Variants in STK24 observed in about 807,000 individuals in gnomAD.
STK24 encodes serine/threonine-protein kinase 24.
Under a neutral mutation model 55.6 loss-of-function variants are expected in STK24, and 21 were observed. The ratio of observed to expected loss-of-function variants is 0.38; its 90% CI spans 0.27 to 0.54. The LOEUF is 0.54. Ranked by LOEUF, STK24 falls within the 20% of genes least tolerant of loss-of-function variation. STK24 has a pLI of 0.79. For synonymous variants in STK24, 200 were observed against 215.2 expected, an observed-to-expected ratio of 0.93 and a Z score of 0.62; for missense variants, 383 against 538.4, an observed-to-expected ratio of 0.71 and a Z score of 2.86.
chr13:98,476,231 A>AGACGG, intron 3 of STK24, among the ~76,000 whole-genome samples: 2 of 139,304 alleles, frequency 1.4e-5, no homozygotes, highest in Non-Finnish European at 3.1e-5. Context: ...ACTTCAAACC[A>AGACGG]GACGGGAAGC....
In STK24 at chr13:98,472,347, A is replaced by C. The variant is rs74692085; in HGVS notation, c.597+2474T>G. ...ATTTCCAGTTCAGAGTTGGAACTGG[A>C]ACTCTGAAGGGAGGACTTGCCCTTC... On this transcript the variant is annotated intron_variant, in intron 5 of 10. Transcript: ENST00000539966. 9.0e-3 allele frequency among the ~76,000 whole-genome samples: 1,378 copies of C among 152,288 alleles called. 18 individuals carry two copies. The highest frequency in any genetic ancestry group is 0.03 in the African/African-American group (1,257 of 41,554).
intron 1 of STK24, among the ~76,000 whole-genome samples, chr13:98,547,466 T>C (rs1441576413): frequency 6.6e-6 from 1 of 152,186 alleles, no homozygotes; most frequent in Non-Finnish European, 1.5e-5. Flanking sequence ...GAGGACTGCT[T>C]GAGCCCACCA....
intron 2 of STK24, among the ~76,000 whole-genome samples, chr13:98,483,263 G>A (rs545616340): frequency 2.8e-4 from 43 of 152,282 alleles, no homozygotes; most frequent in African/African-American, 9.6e-4. Context: ...TGGCCACGGC[G>A]AGCAGCCAAG....
chr13:98,512,588 TTA>T (rs1491419564), intron 2 of STK24, among the ~76,000 whole-genome samples: 2 of 138,760 alleles, frequency 1.4e-5, no homozygotes, highest in African/African-American at 2.7e-5. Flanking sequence ...TTTTTTTTTT[TTA>T]AAAAGGGAAA....
At chr13:98,545,558 C>G (rs964077253) in intron 1 of STK24, among the ~76,000 whole-genome samples, 44 of 150,762 alleles carry the variant, frequency 2.9e-4, no homozygotes, top group Admixed American at 2.5e-3. Context: ...GGCGTGAACC[C>G]GGGAGGCAGA....
chr13:98,542,199 G>A (rs1003262214), intron 1 of STK24, among the ~76,000 whole-genome samples: 2 of 152,084 alleles, frequency 1.3e-5, no homozygotes, highest in African/African-American at 4.8e-5. Flanking sequence ...ACACTCCACC[G>A]ACCCTAGCGC....
At position 98,448,294 on chromosome 13, in the gene STK24, C is replaced by A. The variant is rs997043411; in HGVS notation, c.*4879G>T. 41 of 1,613,788 alleles carry A rather than the reference C, an allele frequency of 2.5e-5. No individual in the cohort carries two copies. Among genetic ancestry groups the A allele is most frequent in the Non-Finnish European group, 3.5e-5 (41 of 1,179,644 alleles). On this transcript the variant is annotated 3_prime_UTR_variant, in exon 11 of 11. Transcript: ENST00000539966. ...TGCCTCGCGACCCCACGTGTTGAGT[C>A]ACAAAGAGTCTCTTGTGTATTGATG...
At chr13:98,503,041 T>TTTTTTTTTTTTC (rs1555306354) in intron 2 of STK24, among the ~76,000 whole-genome samples, 43 of 148,812 alleles carry the variant, frequency 2.9e-4, no homozygotes, top group African/African-American at 9.2e-4. Context: ...TTTTTTTTTT[T>TTTTTTTTTTTTC]CAGTATGGTA....
rs1892962114 is a variant in STK24 at position 98,448,005 on chromosome 13, CACTGCAGCAAGGT to C, written c.*5155_*5167del. 1 of 572,732 alleles carries C rather than the reference CACTGCAGCAAGGT, an allele frequency of 1.7e-6. No individual in the cohort carries two copies. Among genetic ancestry groups the C allele is most frequent in the East Asian group, 3.0e-5 (1 of 33,794 alleles). 35.5% of individuals were successfully genotyped at this position (572,732 alleles called of 1,614,324 possible). A position where few individuals can be genotyped will look rare whatever the true frequency, so the allele number is the denominator to read the frequency against. On this transcript the variant is annotated 3_prime_UTR_variant, in exon 11 of 11. Transcript: ENST00000539966. ...ACTGCTCCAATGGAGCGGGCAGTGTCACTGCAGCAAGGTACTTCCAGCTCCACACTGAGTGAGT... is the reference window on the plus strand; with the variant it reads ...ACTGCTCCAATGGAGCGGGCAGTGTCACTTCCAGCTCCACACTGAGTGAGT...
At chr13:98,483,537 C>A (rs1345710104) in intron 2 of STK24, among the ~76,000 whole-genome samples, 2 of 152,200 alleles carry the variant, frequency 1.3e-5, no homozygotes, top group African/African-American at 4.8e-5. Context: ...AGTGAGCTCA[C>A]CCTTTGAGAA....
intron 9 of STK24, among the ~76,000 whole-genome samples, chr13:98,460,103 A>C (rs1168459303): frequency 6.6e-6 from 1 of 152,244 alleles, no homozygotes; most frequent in Non-Finnish European, 1.5e-5. Context: ...TTTGCTAAAA[A>C]GCAGGGCAAC....
At chr13:98,476,032 T>TATA (rs531421664) in intron 3 of STK24, among the ~76,000 whole-genome samples, 4 of 151,614 alleles carry the variant, frequency 2.6e-5, no homozygotes, top group African/African-American at 4.8e-5. Flanking sequence ...ATAGATATTA[T>TATA]ATAATAATAA....
chr13:98,487,645 CCTTG>C (rs1894857655), intron 2 of STK24, among the ~76,000 whole-genome samples: 1 of 152,192 alleles, frequency 6.6e-6, no homozygotes, highest in Admixed American at 6.5e-5. Context: ...CTGTTGTTTA[CCTTG>C]CTTTTTACCT....
At chr13:98,457,858 C>T (rs1464425879) in intron 9 of STK24, among the ~76,000 whole-genome samples, 4 of 152,198 alleles carry the variant, frequency 2.6e-5, no homozygotes, top group Non-Finnish European at 5.9e-5. Flanking sequence ...CATTACTGTT[C>T]GAGGCCAGAA....
At chr13:98,536,044 T>C (rs1345598739) in intron 1 of STK24, among the ~76,000 whole-genome samples, 4 of 152,204 alleles carry the variant, frequency 2.6e-5, no homozygotes, top group Non-Finnish European at 5.9e-5. Context: ...TGAAAATCTT[T>C]TAGCTTTTAG....
chr13:98,570,436 A>ATAATAGACTTAAAAT (rs1294546273), intron 1 of STK24, among the ~76,000 whole-genome samples: 2 of 152,232 alleles, frequency 1.3e-5, no homozygotes, highest in Non-Finnish European at 2.9e-5. Flanking sequence ...TTCTCTTAAA[A>ATAATAGACTTAAAAT]AACAGGAAGA....
intron 2 of STK24, among the ~76,000 whole-genome samples, chr13:98,500,570 A>C (rs1350652420): frequency 2.0e-5 from 3 of 152,134 alleles, no homozygotes; most frequent in Non-Finnish European, 4.4e-5. Context: ...CTAACATCTC[A>C]AAGAATGGGA....
rs763234979 is a variant in STK24, at chr13:98,461,905, C to A, written c.930-8G>T. 6.2e-7 allele frequency: 1 copy of A among 1,613,562 alleles called. No individual in the cohort carries two copies. The highest frequency in any genetic ancestry group is 8.5e-7 in the Non-Finnish European group (1 of 1,179,580). ...GCTTGGCCATCTGTTTCCCTTAACACAGAAATGCAGGAAATCCCATCAGTG... is the reference window on the plus strand; with the variant it reads ...GCTTGGCCATCTGTTTCCCTTAACAAAGAAATGCAGGAAATCCCATCAGTG... On this transcript the variant is annotated splice_polypyrimidine_tract_variant and splice_region_variant and intron_variant, in intron 7 of 10. Transcript: ENST00000539966.
chr13:98,518,446 CAAT>C (rs1255470303), intron 2 of STK24, among the ~76,000 whole-genome samples: 1 of 152,156 alleles, frequency 6.6e-6, no homozygotes, highest in Non-Finnish European at 1.5e-5. Context: ...CTGTATTCCA[CAAT>C]AATTATTTCA....
Sources: allele counts gnomAD v4.1 joint callset (sites outside exome capture counted in the v4.1 genomes callset), GRCh38; gene constraint gnomAD v4.1.1; transcripts MANE v1.5; gene names NCBI Gene and HGNC (gene_info 2026-07-23, HGNC 2026-07-21).